The following FMN1 variants were observed in gnomAD, a reference collection of about 807,000 sequenced individuals.
The protein encoded by FMN1 is formin-1.
In FMN1, 110 loss-of-function variants were observed where a neutral mutation model predicts 132.4. That is an observed-to-expected ratio of 0.83 (90% CI 0.71 to 0.97). FMN1 has a LOEUF of 0.97. Among genes scored for constraint, FMN1 ranks in the 50% least tolerant of loss-of-function variants. The probability of loss-of-function intolerance (pLI) is 0.00; values close to 1 mark genes in which losing one functional copy is unlikely to be tolerated. For synonymous variants in FMN1, 722 were observed against 651.7 expected, an observed-to-expected ratio of 1.11 and a Z score of -1.64; for missense variants, 1,792 against 1,705.3, an observed-to-expected ratio of 1.05 and a Z score of -0.90.
chr15:32,777,844 CATTAATTATATAT>C (rs2056508340), intron 19 of FMN1, among the ~76,000 whole-genome samples: 1 of 85,182 alleles, frequency 1.2e-5, no homozygotes, highest in East Asian at 4.5e-4. Flanking sequence ...ATATATAATA[CATTAATTATATAT>C]TATGTATAAT....
chr15:32,957,325 T>TTTTTTA (rs1555504537), intron 9 of FMN1, among the ~76,000 whole-genome samples: 2 of 137,312 alleles, frequency 1.5e-5, no homozygotes, highest in Non-Finnish European at 3.1e-5. Context: ...TTTTTTTTTT[T>TTTTTTA]ACAGGAACCA....
rs1367381361 is a variant in FMN1, at chr15:33,153,877, C to A, written c.1038G>T (p.Thr346=). The change falls in exon 4 of 21, where the codon ACG becomes ACT. Residue 346 remains threonine (T), a synonymous_variant. Transcript: ENST00000616417. ...CAATCGTCTCCTTACCCTTAGAATG[C>A]GTTTTAACTACTCTTTGTACCTGGG... ...LSSQVQRVVK[T]HSKGKETIAI... 2.0e-6 allele frequency: 3 copies of A among 1,536,762 alleles called. No homozygotes were observed. Among genetic ancestry groups the A allele is most frequent in the Non-Finnish European group, 8.7e-7 (1 of 1,147,064 alleles).
chr15:32,945,910 G>A lies in FMN1; in HGVS notation c.3138+18197C>T, dbSNP rs555824144. 1.6e-4 allele frequency among the ~76,000 whole-genome samples: 25 copies of A among 152,192 alleles called. 1 individual carries two copies. In the East Asian group the frequency reaches 2.7e-3, roughly 16 times the overall value. ...ATTTTCCTTTTGCAGACAACTTCTC[G>A]CATAGTCTTCATTTGCCGCCATTGC... On this transcript the variant is annotated intron_variant, in intron 9 of 20. Coordinates refer to ENST00000616417, the MANE Select transcript of FMN1 (RefSeq NM_001277313.2).
At chr15:32,878,537 C>T (rs112476844) in intron 16 of FMN1, among the ~76,000 whole-genome samples, 2 of 152,094 alleles carry the variant, frequency 1.3e-5, no homozygotes, top group Non-Finnish European at 2.9e-5. Context: ...TAAGAGTCAA[C>T]AGGACTAGCT....
intron 9 of FMN1, among the ~76,000 whole-genome samples, chr15:32,936,473 A>G (rs968100187): frequency 6.6e-6 from 1 of 152,168 alleles, no homozygotes; most frequent in Non-Finnish European, 1.5e-5. Flanking sequence ...TTGGTTTTTC[A>G]GGAGCTCATA....
At chr15:32,893,098 C>A (rs2060071409) in intron 15 of FMN1, among the ~76,000 whole-genome samples, 1 of 152,210 alleles carries the variant, frequency 6.6e-6, no homozygotes, top group South Asian at 2.1e-4. Flanking sequence ...CCTCTTGACC[C>A]TTCCTCTTTA....
chr15:33,081,988 T>A (rs1298475367), intron 5 of FMN1, among the ~76,000 whole-genome samples: 1 of 151,298 alleles, frequency 6.6e-6, no homozygotes, highest in Non-Finnish European at 1.5e-5. Context: ...GTGATGAGCC[T>A]TGGAAACCAG....
intron 6 of FMN1, among the ~76,000 whole-genome samples, chr15:33,049,110 G>T (rs923587208): frequency 6.6e-6 from 1 of 152,192 alleles, no homozygotes; most frequent in African/African-American, 2.4e-5. Flanking sequence ...AATTCTCTGT[G>T]TGAACCTATT....
intron 17 of FMN1, among the ~76,000 whole-genome samples, chr15:32,820,360 A>G (rs2058177879): frequency 6.6e-6 from 1 of 152,188 alleles, no homozygotes; most frequent in South Asian, 2.1e-4. Context: ...CTTTAATTCT[A>G]TTATGAAACT....
chr15:32,886,240 A>T (rs2059894669), intron 16 of FMN1, among the ~76,000 whole-genome samples: 3 of 152,168 alleles, frequency 2.0e-5, no homozygotes. Context: ...TTTTTGTTTA[A>T]ATATTCCATG....
intron 3 of FMN1, among the ~76,000 whole-genome samples, chr15:33,174,694 T>C (rs938329281): frequency 3.9e-5 from 6 of 152,220 alleles, no homozygotes; most frequent in Admixed American, 1.3e-4. Flanking sequence ...AGCCATTATA[T>C]TCTTGAGAGC....
intron 4 of FMN1, among the ~76,000 whole-genome samples, chr15:33,119,446 G>C (rs113341489): frequency 1.2e-4 from 19 of 152,184 alleles, no homozygotes; most frequent in African/African-American, 3.9e-4. Flanking sequence ...CTGCTCCATC[G>C]CAAGAGCAAC....
intron 6 of FMN1, among the ~76,000 whole-genome samples, chr15:33,035,423 G>C (rs1050217911): frequency 1.3e-5 from 2 of 152,078 alleles, no homozygotes; most frequent in Non-Finnish European, 2.9e-5. Flanking sequence ...GAGGTCCTTA[G>C]ATCCCAGATA....
chr15:32,840,737 CA>C (rs1567251973), intron 17 of FMN1, among the ~76,000 whole-genome samples: 2 of 152,150 alleles, frequency 1.3e-5, no homozygotes, highest in African/African-American at 4.8e-5. Context: ...ATGGTACAAA[CA>C]TGAGAGGAAG....
In FMN1 at chr15:32,902,169, T is replaced by C. The variant is rs944557373; in HGVS notation, c.3378-129A>G. The C allele has an allele frequency of 2.0e-5, 15 of 763,084 alleles. No homozygotes were observed. In the South Asian group the frequency reaches 2.8e-4, roughly 14 times the overall value. The allele number at this position is 763,084 out of a possible 1,614,324, so 47.3% of individuals were successfully genotyped here. Reference sequence around the variant, plus strand: ...CTCAACAATTATAAAAGGTGTCACATAGGTAGACTCAAGGAATTCCAAGGG... The same window carrying C: ...CTCAACAATTATAAAAGGTGTCACACAGGTAGACTCAAGGAATTCCAAGGG... On this transcript the variant is annotated intron_variant, in intron 12 of 20. Transcript: ENST00000616417.
intron 17 of FMN1, among the ~76,000 whole-genome samples, chr15:32,825,487 A>T (rs1202445627): frequency 6.6e-6 from 1 of 152,144 alleles, no homozygotes; most frequent in Non-Finnish European, 1.5e-5. Flanking sequence ...TCCTTCCCAG[A>T]CTTAAATGTC....
intron 17 of FMN1, among the ~76,000 whole-genome samples, chr15:32,841,542 G>A (rs557562669): frequency 1.3e-5 from 2 of 152,304 alleles, no homozygotes; most frequent in African/African-American, 4.8e-5. Flanking sequence ...CATCTCAGAA[G>A]AAGCGGAGTA....
At chr15:33,140,528 C>T (rs562175245) in intron 4 of FMN1, among the ~76,000 whole-genome samples, 9 of 152,170 alleles carry the variant, frequency 5.9e-5, no homozygotes, top group Non-Finnish European at 1.2e-4. Context: ...ATCAAGGCCA[C>T]GTGCACACAG....
chr15:32,815,763 A>C (rs1243808883), intron 17 of FMN1, among the ~76,000 whole-genome samples: 1 of 152,172 alleles, frequency 6.6e-6, no homozygotes, highest in East Asian at 1.9e-4. Flanking sequence ...GCACAGTCAG[A>C]TTGGTGGTGG....
Sources: allele counts gnomAD v4.1 joint callset (sites outside exome capture counted in the v4.1 genomes callset), GRCh38; gene constraint gnomAD v4.1.1; transcripts MANE v1.5; gene names NCBI Gene and HGNC (gene_info 2026-07-23, HGNC 2026-07-21).